Variants in NAALADL2 observed in about 807,000 individuals in gnomAD.
The protein encoded by NAALADL2 is inactive N-acetylated-alpha-linked acidic dipeptidase-like protein 2.
In NAALADL2, 76 loss-of-function variants were observed where a neutral mutation model predicts 87.2. The ratio of observed to expected loss-of-function variants is 0.87; its 90% CI spans 0.72 to 1.05. The LOEUF (loss-of-function observed/expected upper bound fraction) is 1.05, where lower values mean the gene tolerates loss of function less well. NAALADL2 is among the 50% of genes least tolerant of loss of function. NAALADL2 has a pLI of 0.00. For synonymous variants in NAALADL2, 354 were observed against 331.0 expected (o/e 1.07, Z -0.75); for missense variants, 1,089 against 945.8 (o/e 1.15, Z -1.99).
At chr3:175,551,871 C>A (rs1042930028) in intron 9 of NAALADL2, among the ~76,000 whole-genome samples, 5 of 145,002 alleles carry the variant, frequency 3.4e-5, no homozygotes, top group East Asian at 4.0e-4. Flanking sequence ...TGCAGTGAGC[C>A]GAGATCACGC....
chr3:175,117,528 C>T (rs1214784071), intron 2 of NAALADL2, among the ~76,000 whole-genome samples: 1 of 151,994 alleles, frequency 6.6e-6, no homozygotes, highest in African/African-American at 2.4e-5. Context: ...ATCATCATTA[C>T]TGGCCATCAG....
At chr3:174,711,101 T>C (rs182355984) in intron 2 of NAALADL2, among the ~76,000 whole-genome samples, 1 of 152,298 alleles carries the variant, frequency 6.6e-6, no homozygotes, top group African/African-American at 2.4e-5. Flanking sequence ...CATGTTTTCC[T>C]CTTGGGGGAA....
intron 1 of NAALADL2, among the ~76,000 whole-genome samples, chr3:175,019,976 G>A (rs1751363258): frequency 6.6e-6 from 1 of 151,916 alleles, no homozygotes; most frequent in African/African-American, 2.4e-5. Flanking sequence ...ATGACAACAG[G>A]AACCAGATCT....
At chr3:175,437,752 G>A (rs972661762) in intron 5 of NAALADL2, among the ~76,000 whole-genome samples, 2 of 151,868 alleles carry the variant, frequency 1.3e-5, no homozygotes, top group African/African-American at 4.8e-5. Flanking sequence ...CCAAAACAGA[G>A]ATATAGATCA....
intron 2 of NAALADL2, among the ~76,000 whole-genome samples, chr3:174,694,927 A>G (rs1728889114): frequency 6.6e-6 from 1 of 151,812 alleles, no homozygotes; most frequent in Admixed American, 6.6e-5. Context: ...GCACCTCTAT[A>G]AAATTCCAAG....
intron 10 of NAALADL2, among the ~76,000 whole-genome samples, chr3:175,583,031 A>G (rs377074751): frequency 6.6e-5 from 10 of 152,062 alleles, no homozygotes; most frequent in Non-Finnish European, 1.3e-4. Context: ...CAATAAACCC[A>G]CCATATGCTG....
In NAALADL2 at chr3:175,657,584, T is replaced by G. The variant is rs144113564; in HGVS notation, c.1896+30198T>G. Among the ~76,000 whole-genome samples, 1,091 of 151,648 alleles carry G rather than the reference T, an allele frequency of 7.2e-3. 17 individuals carry two copies. Among genetic ancestry groups the G allele is most frequent in the African/African-American group, 0.025 (1,017 of 41,360 alleles). ...AAAAAAATACTCATTTTACTGTTTT[T>G]TTTTTTTTTCTTTTGAGACGGAGTC... On this transcript the variant is annotated intron_variant, in intron 11 of 13. Transcript: ENST00000454872.
At position 175,543,066 on chromosome 3, in the gene NAALADL2, T is replaced by G. The variant is rs375844248; in HGVS notation, c.1654-32975T>G. Among the ~76,000 whole-genome samples, 95 of 152,304 alleles carry G rather than the reference T, an allele frequency of 6.2e-4. 4 individuals carry two copies. In the South Asian group the frequency reaches 0.019, roughly 31 times the overall value. Reference sequence around the variant, plus strand: ...AGAGAATTTCTTACATGAATCCAATTTTATCCAGTTTCTATGACATATTTA... The same window carrying G: ...AGAGAATTTCTTACATGAATCCAATGTTATCCAGTTTCTATGACATATTTA... On this transcript the variant is annotated intron_variant, in intron 9 of 13. Coordinates refer to ENST00000454872, the MANE Select transcript of NAALADL2 (RefSeq NM_207015.3).
intron 2 of NAALADL2, among the ~76,000 whole-genome samples, chr3:175,181,707 G>C (rs867170621): frequency 2.9e-5 from 1 of 34,386 alleles, no homozygotes; most frequent in Non-Finnish European, 7.0e-5. Flanking sequence ...ATATATATGT[G>C]TGTGTGTGTG....
intron 2 of NAALADL2, among the ~76,000 whole-genome samples, chr3:175,203,671 C>A (rs1740403003): frequency 6.6e-6 from 1 of 151,874 alleles, no homozygotes; most frequent in African/African-American, 2.4e-5. Flanking sequence ...GATAATCTCT[C>A]ATAAATAATA....
At chr3:175,083,884 G>T (rs1278561460) in intron 1 of NAALADL2, among the ~76,000 whole-genome samples, 1 of 152,104 alleles carries the variant, frequency 6.6e-6, no homozygotes, top group Admixed American at 6.5e-5. Context: ...CAACTACCAG[G>T]TTCCAGATAC....
chr3:174,985,211 T>G (rs1001454854), intron 1 of NAALADL2, among the ~76,000 whole-genome samples: 4 of 152,196 alleles, frequency 2.6e-5, no homozygotes, highest in African/African-American at 9.7e-5. Flanking sequence ...AATTAGATGA[T>G]GTGTTCACTG....
At chr3:175,204,530 A>G (rs1363401112) in intron 2 of NAALADL2, among the ~76,000 whole-genome samples, 1 of 152,142 alleles carries the variant, frequency 6.6e-6, no homozygotes, top group African/African-American at 2.4e-5. Context: ...CCCTCTGAGG[A>G]CTGAAACAAG....
intron 1 of NAALADL2, among the ~76,000 whole-genome samples, chr3:175,084,992 G>A (rs1204127513): frequency 3.3e-5 from 5 of 152,108 alleles, no homozygotes; most frequent in Non-Finnish European, 7.4e-5. Flanking sequence ...CTCCAAGGGC[G>A]CTATACACTG....
intron 2 of NAALADL2, among the ~76,000 whole-genome samples, chr3:174,726,992 A>G (rs566261355): frequency 2.6e-5 from 4 of 152,180 alleles, no homozygotes; most frequent in Non-Finnish European, 4.4e-5. Context: ...TATTAACCAT[A>G]TATTTATGTA....
intron 11 of NAALADL2, among the ~76,000 whole-genome samples, chr3:175,727,868 C>G (rs543724653): frequency 1.3e-5 from 2 of 152,232 alleles, no homozygotes; most frequent in African/African-American, 4.8e-5. Context: ...GAGCATTATT[C>G]AGGTGTTGGG....
At chr3:174,668,230 G>A (rs4393919) in intron 2 of NAALADL2, among the ~76,000 whole-genome samples, 123,287 of 152,056 alleles carry the variant, frequency 0.81, 50,227 homozygotes, top group East Asian at 0.93. Context: ...GTTGAGTTAT[G>A]GGAGTTCATT....
At chr3:175,801,442 T>A (rs1182939759) in intron 13 of NAALADL2, among the ~76,000 whole-genome samples, 1 of 152,134 alleles carries the variant, frequency 6.6e-6, no homozygotes, top group Non-Finnish European at 1.5e-5. Context: ...ACAAAAATGC[T>A]AACATGGATT....
At chr3:175,025,919 C>T (rs1405615333) in intron 1 of NAALADL2, among the ~76,000 whole-genome samples, 1 of 152,086 alleles carries the variant, frequency 6.6e-6, no homozygotes, top group Non-Finnish European at 1.5e-5. Context: ...AAGTGATTCG[C>T]CCACCTCAGC....
Sources: allele counts gnomAD v4.1 joint callset (sites outside exome capture counted in the v4.1 genomes callset), GRCh38; gene constraint gnomAD v4.1.1; transcripts MANE v1.5; gene names NCBI Gene and HGNC (gene_info 2026-07-23, HGNC 2026-07-21).